Variants in LIMCH1 observed in about 807,000 individuals in gnomAD.
LIMCH1 encodes the protein LIM and calponin homology domains-containing protein 1.
A neutral mutation model predicts 176.5 loss-of-function variants in LIMCH1; 113 were observed. The observed-to-expected ratio is 0.64, with a 90% confidence interval of 0.55 to 0.75. The LOEUF is 0.75. Ranked by LOEUF, LIMCH1 falls within the 30% of genes least tolerant of loss-of-function variation. LIMCH1 has a pLI of 0.00. For synonymous variants in LIMCH1, 619 were observed against 645.9 expected (o/e 0.96, Z 0.63); for missense variants, 1,674 against 1,814.9 (o/e 0.92, Z 1.41).
At chr4:41,498,549 G>A (rs540480882) in intron 2 of LIMCH1, among the ~76,000 whole-genome samples, 1 of 152,308 alleles carries the variant, frequency 6.6e-6, no homozygotes, top group East Asian at 1.9e-4. Flanking sequence ...CCTCTTCTGA[G>A]TATTTAATAA....
At chr4:41,612,453 T>TCTG (rs2091545578) in intron 4 of LIMCH1, 1 of 684,196 alleles carries the variant, frequency 1.5e-6, no homozygotes, top group South Asian at 1.6e-5. Context: ...GCCAGTGTTA[T>TCTG]CCACAGTCCT....
At chr4:41,409,396 T>C (rs750197193) in intron 1 of LIMCH1, among the ~76,000 whole-genome samples, 5 of 152,126 alleles carry the variant, frequency 3.3e-5, no homozygotes, top group Non-Finnish European at 7.4e-5. Context: ...CCGCCAGTAG[T>C]AGAGATGACT....
At chr4:41,530,639 T>C (rs1277675822) in intron 3 of LIMCH1, among the ~76,000 whole-genome samples, 2 of 151,628 alleles carry the variant, frequency 1.3e-5, no homozygotes, top group Non-Finnish European at 2.9e-5. Flanking sequence ...AAACCCTGTC[T>C]CTACTAAAAG....
chr4:41,625,510 C>G (rs1327410557), intron 7 of LIMCH1, among the ~76,000 whole-genome samples: 4 of 152,186 alleles, frequency 2.6e-5, no homozygotes, highest in Non-Finnish European at 5.9e-5. Flanking sequence ...TGCCTTGAAG[C>G]TCTGAATTTA....
chr4:41,573,801 G>A (rs1012160218), intron 1 of LIMCH1, among the ~76,000 whole-genome samples: 2 of 152,040 alleles, frequency 1.3e-5, no homozygotes, highest in African/African-American at 4.8e-5. Flanking sequence ...GTGTTGTCAG[G>A]TCCTCCTCAT....
intron 1 of LIMCH1, among the ~76,000 whole-genome samples, chr4:41,452,223 T>G (rs1230265349): frequency 2.0e-5 from 3 of 152,260 alleles, no homozygotes; most frequent in Non-Finnish European, 4.4e-5. Context: ...TTTATTTATG[T>G]AAATTTATCA....
At chr4:41,573,643 G>A (rs919783797) in intron 1 of LIMCH1, among the ~76,000 whole-genome samples, 2 of 152,186 alleles carry the variant, frequency 1.3e-5, no homozygotes, top group African/African-American at 4.8e-5. Flanking sequence ...CATTTGGGTG[G>A]TTGCTATTTT....
intron 14 of LIMCH1, among the ~76,000 whole-genome samples, chr4:41,641,606 A>G (rs1284486817): frequency 6.6e-6 from 1 of 152,216 alleles, no homozygotes; most frequent in Non-Finnish European, 1.5e-5. Context: ...TGAGGATGGA[A>G]CCCAAGTCTA....
chr4:41,502,246 C>G (rs1003574079), intron 2 of LIMCH1, among the ~76,000 whole-genome samples: 3 of 152,088 alleles, frequency 2.0e-5, no homozygotes, highest in African/African-American at 4.8e-5. Context: ...TAATTTCATT[C>G]CTTTTTATGG....
intron 28 of LIMCH1, 66 bp from the exon 29 acceptor site, chr4:41,687,774 C>G (rs1315744474): frequency 1.0e-6 from 1 of 964,372 alleles, no homozygotes; most frequent in Non-Finnish European, 1.6e-6. Context: ...TCTAAAATGT[C>G]TTTTTTTAAT....
At position 41,696,758 on chromosome 4, in the gene LIMCH1, C is replaced by G. The variant is rs78667441; in HGVS notation, c.4379-402C>G. Among the ~76,000 whole-genome samples the G allele has an allele frequency of 1.2e-3, 186 of 152,248 alleles. 4 individuals carry two copies. In the East Asian group the frequency reaches 0.035, roughly 28 times the overall value. On this transcript the variant is annotated intron_variant, in intron 31 of 31. Transcript: ENST00000503057. The stretch of plus-strand genomic sequence containing the variant: ...GTCAAATTCCTCATATTACAATGTA[C>G]TTATTCTTAGAGAAATCAAAACCTA...
At chr4:41,577,038 C>T (rs1561806461) in intron 1 of LIMCH1, among the ~76,000 whole-genome samples, 5 of 151,838 alleles carry the variant, frequency 3.3e-5, no homozygotes, top group East Asian at 3.9e-4. Flanking sequence ...TATGGAGGGC[C>T]GACTTTTCCT....
chr4:41,676,300 G>T, intron 22 of LIMCH1, 82 bp from the exon 23 acceptor site: 1 of 1,052,958 alleles, frequency 9.5e-7, no homozygotes, highest in East Asian at 2.5e-5. Context: ...TGCCAGGCCA[G>T]AGGCCAATTG....
At chr4:41,590,004 C>T (rs1488007650) in intron 1 of LIMCH1, among the ~76,000 whole-genome samples, 1 of 152,228 alleles carries the variant, frequency 6.6e-6, no homozygotes, top group African/African-American at 2.4e-5. Flanking sequence ...TCTATCCCCA[C>T]ATCCACTCAA....
intron 1 of LIMCH1, among the ~76,000 whole-genome samples, chr4:41,433,223 C>G (rs2061757017): frequency 6.6e-6 from 1 of 152,134 alleles, no homozygotes; most frequent in Admixed American, 6.5e-5. Flanking sequence ...AGCGGGCATT[C>G]TTTTGAAATG....
chr4:41,568,684 C>T (rs34218605), intron 1 of LIMCH1, among the ~76,000 whole-genome samples: 19,067 of 152,134 alleles, frequency 0.13, 1,373 homozygotes, highest in South Asian at 0.31. Flanking sequence ...TAAATTGTCT[C>T]CTTTGTCATA....
rs78542187 is a variant in LIMCH1, at chr4:41,519,243, C to T, written c.168-5166C>T. Among the ~76,000 whole-genome samples the T allele has an allele frequency of 1.3e-3, 199 of 152,270 alleles. 3 individuals are homozygous for T. In the South Asian group the frequency reaches 0.023, roughly 17 times the overall value. On this transcript the variant is annotated intron_variant, in intron 2 of 26. Transcript: ENST00000313860. ...TTAATCCACTAGTGAGCATACCCCACGAGGAGGAGACCTGGGGTCTTCCGT... is the reference window on the plus strand; with the variant it reads ...TTAATCCACTAGTGAGCATACCCCATGAGGAGGAGACCTGGGGTCTTCCGT...
intron 1 of LIMCH1, among the ~76,000 whole-genome samples, chr4:41,539,149 CT>C (rs2078303984): frequency 6.6e-6 from 1 of 152,108 alleles, no homozygotes; most frequent in Non-Finnish European, 1.5e-5. Flanking sequence ...AATGATTCAT[CT>C]TTGTGGAGTC....
chr4:41,502,907 TCACACACA>T (rs71650929), intron 2 of LIMCH1, among the ~76,000 whole-genome samples: 3 of 142,124 alleles, frequency 2.1e-5, no homozygotes, highest in South Asian at 2.3e-4. Flanking sequence ...CGGAGGTAAA[TCACACACA>T]CACACACACA....
Sources: allele counts gnomAD v4.1 joint callset (sites outside exome capture counted in the v4.1 genomes callset), GRCh38; gene constraint gnomAD v4.1.1; transcripts MANE v1.5; gene names NCBI Gene and HGNC (gene_info 2026-07-23, HGNC 2026-07-21).